PTPRD: variants seen among roughly 807,000 people sequenced by gnomAD.
PTPRD encodes the protein protein tyrosine phosphatase receptor type D.
PTPRD carries 34 observed loss-of-function variants against 214.5 expected under a neutral mutation model. That is an observed-to-expected ratio of 0.16 (90% CI 0.12 to 0.21). The LOEUF is 0.21. Ranked by LOEUF, PTPRD falls within the 10% of genes least tolerant of loss-of-function variation. PTPRD has a pLI of 1.00. For synonymous variants in PTPRD, 1,128 were observed against 845.7 expected (o/e 1.33, Z -5.79); for missense variants, 2,545 against 2,398.7 (o/e 1.06, Z -1.27).
chr9:9,742,372 T>A (rs2098412981), intron 6 of PTPRD, among the ~76,000 whole-genome samples: 1 of 152,206 alleles, frequency 6.6e-6, no homozygotes, highest in Non-Finnish European at 1.5e-5. Context: ...GACCTTCACT[T>A]TCACCTTTCG....
At chr9:9,396,094 A>C (rs1405513954) in intron 9 of PTPRD, among the ~76,000 whole-genome samples, 3 of 152,074 alleles carry the variant, frequency 2.0e-5, no homozygotes, top group Admixed American at 6.6e-5. Context: ...CATAGAAGCT[A>C]GTCAAGACCC....
At chr9:8,801,452 C>G (rs1042466280) in intron 11 of PTPRD, among the ~76,000 whole-genome samples, 14 of 152,328 alleles carry the variant, frequency 9.2e-5, no homozygotes, top group African/African-American at 3.4e-4. Flanking sequence ...CACAGTGGCT[C>G]ACGCCTGTAA....
chr9:10,020,011 T>C (rs928408024), intron 4 of PTPRD, among the ~76,000 whole-genome samples: 2 of 152,180 alleles, frequency 1.3e-5, no homozygotes, highest in African/African-American at 4.8e-5. Flanking sequence ...TATTACAATG[T>C]TTGGCACAAT....
At chr9:10,332,187 A>T (rs1235070762) in intron 3 of PTPRD, among the ~76,000 whole-genome samples, 1 of 151,916 alleles carries the variant, frequency 6.6e-6, no homozygotes, top group Non-Finnish European at 1.5e-5. Context: ...GCTTCTAATC[A>T]TCCAGAATGT....
intron 5 of PTPRD, among the ~76,000 whole-genome samples, chr9:9,805,792 C>G (rs1056854036): frequency 1.3e-5 from 2 of 152,050 alleles, no homozygotes; most frequent in African/African-American, 4.8e-5. Context: ...TGCTTAAGAA[C>G]ATTAATGTTC....
chr9:8,575,810 T>A (rs79597414), intron 14 of PTPRD, among the ~76,000 whole-genome samples: 1,692 of 152,262 alleles, frequency 0.011, 30 homozygotes, highest in African/African-American at 0.039. Context: ...CATAAATGCA[T>A]TAACTTAAAT....
At chr9:8,827,899 A>C (rs1178847956) in intron 11 of PTPRD, among the ~76,000 whole-genome samples, 1 of 152,198 alleles carries the variant, frequency 6.6e-6, no homozygotes, top group African/African-American at 2.4e-5. Context: ...ATCTTCTCTG[A>C]AATATCTACA....
At chr9:10,078,978 A>G (rs564778479) in intron 3 of PTPRD, among the ~76,000 whole-genome samples, 2 of 152,218 alleles carry the variant, frequency 1.3e-5, no homozygotes, top group Admixed American at 6.5e-5. Flanking sequence ...AATCGTTAAC[A>G]TGAGTAGAAC....
intron 2 of PTPRD, among the ~76,000 whole-genome samples, chr9:10,540,992 A>G (rs1293130090): frequency 1.3e-5 from 2 of 152,162 alleles, no homozygotes; most frequent in African/African-American, 2.4e-5. Context: ...TACTCACTCA[A>G]GTTCATGCAC....
At chr9:10,143,919 A>G (rs1031453414) in intron 3 of PTPRD, among the ~76,000 whole-genome samples, 29 of 152,046 alleles carry the variant, frequency 1.9e-4, no homozygotes, top group Admixed American at 1.8e-3. Context: ...GGGAGGAAGT[A>G]GGGCAAGCAT....
intron 5 of PTPRD, among the ~76,000 whole-genome samples, chr9:9,777,815 A>G (rs1310881441): frequency 6.6e-6 from 1 of 152,234 alleles, no homozygotes; most frequent in East Asian, 1.9e-4. Flanking sequence ...AGTAAAATGC[A>G]TAAATTGTAA....
intron 7 of PTPRD, among the ~76,000 whole-genome samples, chr9:9,694,183 A>C (rs2097327763): frequency 6.6e-6 from 1 of 151,998 alleles, no homozygotes; most frequent in Non-Finnish European, 1.5e-5. Flanking sequence ...TGGGCATTGA[A>C]GAGTTAGGTA....
At chr9:8,663,392 A>T (rs1299043043) in intron 12 of PTPRD, among the ~76,000 whole-genome samples, 1 of 151,398 alleles carries the variant, frequency 6.6e-6, no homozygotes, top group Non-Finnish European at 1.5e-5. Flanking sequence ...AACTAAAAAA[A>T]AAAATATCAC....
At chr9:9,511,457 C>G (rs1476644236) in intron 8 of PTPRD, among the ~76,000 whole-genome samples, 1 of 151,768 alleles carries the variant, frequency 6.6e-6, no homozygotes, top group East Asian at 1.9e-4. Context: ...TAATAAATAT[C>G]TAGGCTGATA....
intron 4 of PTPRD, among the ~76,000 whole-genome samples, chr9:10,014,821 G>C (rs1470732797): frequency 6.6e-6 from 1 of 151,956 alleles, no homozygotes; most frequent in African/African-American, 2.4e-5. Context: ...CTAAGTGCGT[G>C]GTTATTTCTA....
chr9:10,107,233 C>G (rs1008749881), intron 3 of PTPRD, among the ~76,000 whole-genome samples: 1 of 151,976 alleles, frequency 6.6e-6, no homozygotes, highest in African/African-American at 2.4e-5. Flanking sequence ...CACACACACT[C>G]TCTTAGTTGT....
chr9:10,114,471 A>G (rs1460619599), intron 3 of PTPRD, among the ~76,000 whole-genome samples: 2 of 151,822 alleles, frequency 1.3e-5, no homozygotes, highest in Non-Finnish European at 2.9e-5. Context: ...ATAAAATTAT[A>G]CTCTCTCGCT....
chr9:10,561,866 C>T (rs2064065484), intron 2 of PTPRD, among the ~76,000 whole-genome samples: 1 of 152,042 alleles, frequency 6.6e-6, no homozygotes, highest in African/African-American at 2.4e-5. Context: ...GCATATCCCA[C>T]AGGATATAGG....
intron 5 of PTPRD, among the ~76,000 whole-genome samples, chr9:9,928,776 A>ACG (rs2085281118): frequency 6.6e-6 from 1 of 151,866 alleles, no homozygotes; most frequent in South Asian, 2.1e-4. Flanking sequence ...ACACACACAC[A>ACG]CACACACACA....
Sources: allele counts gnomAD v4.1 joint callset (sites outside exome capture counted in the v4.1 genomes callset), GRCh38; gene constraint gnomAD v4.1.1; transcripts MANE v1.5; gene names NCBI Gene and HGNC (gene_info 2026-07-23, HGNC 2026-07-21).